The following ZNF292 variants were observed in gnomAD, a reference collection of about 807,000 sequenced individuals.
The protein encoded by ZNF292 is 16 zinc-finger domain protein.
In ZNF292, 26 loss-of-function variants were observed where a neutral mutation model predicts 217.9. The observed-to-expected ratio is 0.12, with a 90% CI of 0.09 to 0.17. The LOEUF is 0.17. Ranked by LOEUF, ZNF292 falls within the 10% of genes least tolerant of loss-of-function variation. The pLI is 1.00. For missense variants in ZNF292, 2,904 were observed against 3,175.2 expected, an observed-to-expected ratio of 0.91 and a Z score of 2.05; for synonymous variants, 1,257 against 1,124.1, an observed-to-expected ratio of 1.12 and a Z score of -2.37.
chr6:87,194,560 A>G (rs1284076224), intron 1 of ZNF292, among the ~76,000 whole-genome samples: 1 of 152,176 alleles, frequency 6.6e-6, no homozygotes, highest in Non-Finnish European at 1.5e-5. Context: ...GCTGCTCTGT[A>G]GCACCAAATT....
intron 1 of ZNF292, among the ~76,000 whole-genome samples, chr6:87,166,140 G>GA (rs1159368690): frequency 5.9e-5 from 9 of 152,082 alleles, no homozygotes; most frequent in African/African-American, 1.9e-4. Flanking sequence ...TGATGCATAG[G>GA]AAAAAATCTG....
chr6:87,205,503 A>T (rs1483880425), intron 1 of ZNF292, among the ~76,000 whole-genome samples: 1 of 152,080 alleles, frequency 6.6e-6, no homozygotes, highest in Admixed American at 6.6e-5. Flanking sequence ...ATGTTAGAAC[A>T]TTTTAGTAAT....
At chr6:87,220,320 G>C (rs542388764) in intron 4 of ZNF292, among the ~76,000 whole-genome samples, 2 of 152,238 alleles carry the variant, frequency 1.3e-5, no homozygotes, top group African/African-American at 4.8e-5. Flanking sequence ...TCACAGTTTG[G>C]AAAGTGCTTT....
chr6:87,205,224 C>A (rs1171245399), intron 1 of ZNF292, among the ~76,000 whole-genome samples: 1 of 151,902 alleles, frequency 6.6e-6, no homozygotes, highest in African/African-American at 2.4e-5. Flanking sequence ...AGACATGTGC[C>A]ACTACACCTG....
At chr6:87,191,403 A>G (rs1043697895) in intron 1 of ZNF292, among the ~76,000 whole-genome samples, 7 of 152,198 alleles carry the variant, frequency 4.6e-5, no homozygotes, top group Admixed American at 2.6e-4. Context: ...ACAGTCTTCT[A>G]TTAGTGACAC....
chr6:87,182,979 A>T (rs935785315), intron 1 of ZNF292, among the ~76,000 whole-genome samples: 1 of 152,192 alleles, frequency 6.6e-6, no homozygotes, highest in Admixed American at 6.5e-5. Context: ...GATCTTCCCA[A>T]TGAAACACTC....
intron 5 of ZNF292, among the ~76,000 whole-genome samples, chr6:87,239,850 C>T (rs184160185): frequency 1.3e-4 from 20 of 151,144 alleles, no homozygotes; most frequent in African/African-American, 4.4e-4. Context: ...CGGGAAGAGG[C>T]GCTCCTCACT....
intron 5 of ZNF292, among the ~76,000 whole-genome samples, chr6:87,238,224 A>G (rs1308830372): frequency 6.6e-6 from 1 of 152,146 alleles, no homozygotes; most frequent in Non-Finnish European, 1.5e-5. Context: ...GCAGTGGCTC[A>G]CACCTTAATT....
intron 1 of ZNF292, among the ~76,000 whole-genome samples, chr6:87,186,551 G>A (rs752347453): frequency 1.3e-5 from 2 of 152,308 alleles, no homozygotes; most frequent in East Asian, 3.9e-4. Context: ...GTATGGATGT[G>A]CCTTAAGTAA....
chr6:87,238,635 ATTTATTTTT>A lies in ZNF292; in HGVS notation c.742-4828_742-4820del, dbSNP rs780983091. The stretch of plus-strand genomic sequence containing the variant: ...TTTTGGTTTTTTTTTTTCAGTAAGT[ATTTATTTTT>A]TTTATTTTTTTATTTTTTTATTTCT... On this transcript the variant is annotated intron_variant, in intron 5 of 7. Coordinates refer to ENST00000369577, the MANE Select transcript of ZNF292 (RefSeq NM_015021.3). 3.0e-3 allele frequency among the ~76,000 whole-genome samples: 319 copies of A among 106,388 alleles called. 6 individuals carry two copies. Among genetic ancestry groups the A allele is most frequent in the Middle Eastern group, 4.6e-3 (1 of 216 alleles). The allele number at this position is 106,388 out of a possible 152,430, so 69.8% of individuals were successfully genotyped here. A position where few individuals can be genotyped will look rare whatever the true frequency, so the allele number is the denominator to read the frequency against.
chr6:87,165,325 CAGTT>C (rs1483040516), intron 1 of ZNF292, among the ~76,000 whole-genome samples: 2 of 152,182 alleles, frequency 1.3e-5, no homozygotes, highest in African/African-American at 4.8e-5. Context: ...CTGTAGATCT[CAGTT>C]AGAGTTACAA....
chr6:87,179,158 C>CTTTTTTT lies in ZNF292; in HGVS notation c.168+23410_168+23416dup, dbSNP rs10670719. ...AAGTCTGTATTTGTGATATATGTGG[C>CTTTTTTT]TTTTTTTTTTTTTTTTTGGGAGATG... On this transcript the variant is annotated intron_variant, in intron 1 of 7. Transcript: ENST00000369577. Among the ~76,000 whole-genome samples the CTTTTTTT allele has an allele frequency of 1.9e-3, 216 of 116,324 alleles. 15 individuals carry two copies. The highest frequency in any genetic ancestry group is 6.5e-3 in the African/African-American group (203 of 31,230). The allele number at this position is 116,324 out of a possible 152,430, so 76.3% of individuals were successfully genotyped here.
rs1373242256 is a variant in ZNF292, at chr6:87,255,326, A to G, written c.1697A>G (p.Asp566Gly). Reference protein sequence around the residue: ...IVRHAQKHYKDGIYSCPICAK... With the variant: ...IVRHAQKHYKGGIYSCPICAK... ...CGACATGCTCAGAAACATTACAAAG[A>G]TGGAATTTATAGTTGCCCCATATGT... Residue 566 changes from aspartate (D) to glycine (G), a missense_variant, in exon 8 of 8, where the codon GAT (aspartate) becomes GGT (glycine). Asp to Gly is a moderately conservative substitution (Grantham distance 94, BLOSUM62 -1). Transcript: ENST00000369577. 8.1e-6 allele frequency: 13 copies of G among 1,613,772 alleles called. No homozygotes were observed. Among genetic ancestry groups the G allele is most frequent in the Non-Finnish European group, 9.3e-6 (11 of 1,179,844 alleles).
At chr6:87,213,669 G>A (rs1002948238) in intron 1 of ZNF292, 2 of 152,336 alleles carry the variant, frequency 1.3e-5, no homozygotes, top group African/African-American at 4.8e-5. Flanking sequence ...GATGGACCAG[G>A]TGACCAGGGA....
At chr6:87,215,839 C>A in intron 1 of ZNF292, 64 bp from the exon 2 acceptor site, 2 of 1,314,280 alleles carry the variant, frequency 1.5e-6, no homozygotes, top group Non-Finnish European at 2.0e-6. Flanking sequence ...GAAAAAACAG[C>A]TGATGAGTCA....
At chr6:87,190,310 A>T (rs970978356) in intron 1 of ZNF292, among the ~76,000 whole-genome samples, 12 of 152,230 alleles carry the variant, frequency 7.9e-5, no homozygotes, top group Non-Finnish European at 7.3e-5. Flanking sequence ...AGCATTAATG[A>T]ACATTGTCTT....
chr6:87,164,762 CTTTTTTTT>C (rs36077738), intron 1 of ZNF292, among the ~76,000 whole-genome samples: 1 of 128,362 alleles, frequency 7.8e-6, no homozygotes, highest in African/African-American at 3.0e-5. Flanking sequence ...GGAATGACCT[CTTTTTTTT>C]TTTTTTTTTT....
At chr6:87,244,430 A>G (rs1358627635) in intron 6 of ZNF292, among the ~76,000 whole-genome samples, 1 of 152,240 alleles carries the variant, frequency 6.6e-6, no homozygotes, top group East Asian at 1.9e-4. Context: ...ATCAGTGATG[A>G]CTAAGAAATT....
intron 1 of ZNF292, among the ~76,000 whole-genome samples, chr6:87,187,919 C>T (rs1771713625): frequency 6.6e-6 from 1 of 152,022 alleles, no homozygotes; most frequent in Non-Finnish European, 1.5e-5. Context: ...CCTAATTCAC[C>T]AACTGCTACC....
Sources: allele counts gnomAD v4.1 joint callset (sites outside exome capture counted in the v4.1 genomes callset), GRCh38; gene constraint gnomAD v4.1.1; transcripts MANE v1.5; gene names NCBI Gene and HGNC (gene_info 2026-07-23, HGNC 2026-07-21).